SLC36A1: variants seen among roughly 807,000 people sequenced by gnomAD.
SLC36A1 encodes proton-coupled amino acid transporter 1.
SLC36A1 carries 30 observed loss-of-function variants against 47.5 expected under a neutral mutation model. The observed-to-expected ratio is 0.63, with a 90% CI of 0.47 to 0.86. The LOEUF is 0.86. Ranked by LOEUF, SLC36A1 falls within the 40% of genes least tolerant of loss-of-function variation. The pLI, the probability that SLC36A1 is intolerant of heterozygous loss-of-function variation, is 0.00. For missense variants in SLC36A1, 517 were observed against 606.0 expected, an observed-to-expected ratio of 0.85 and a Z score of 1.54; for synonymous variants, 255 against 249.7, an observed-to-expected ratio of 1.02 and a Z score of -0.20.
At chr5:151,362,391 T>C in the SLC36A1 span, among the ~76,000 whole-genome samples, 1 of 40,060 alleles carries the variant, frequency 2.5e-5, no homozygotes, top group Non-Finnish European at 4.2e-5. Flanking sequence ...TGATTCTTCT[T>C]TTTTTTTTTT....
At chr5:151,473,010 A>C (rs1757528350) in intron 7 of SLC36A1, among the ~76,000 whole-genome samples, 1 of 152,166 alleles carries the variant, frequency 6.6e-6, no homozygotes. Flanking sequence ...TCTACCAAAA[A>C]TATACAAAAA....
the SLC36A1 span, among the ~76,000 whole-genome samples, chr5:151,548,732 C>T: frequency 2.6e-5 from 4 of 152,312 alleles, no homozygotes; most frequent in South Asian, 2.1e-4. Flanking sequence ...CCGCCCGCCT[C>T]GGCCTCCCAA....
intron 5 of SLC36A1, among the ~76,000 whole-genome samples, chr5:151,466,841 G>A (rs977572113): frequency 4.6e-5 from 7 of 152,132 alleles, no homozygotes; most frequent in African/African-American, 1.4e-4. Context: ...GGAAGGGGAC[G>A]TCGGAAACCA....
intron 5 of SLC36A1, among the ~76,000 whole-genome samples, chr5:151,466,563 G>A (rs770917208): frequency 2.6e-5 from 4 of 152,212 alleles, no homozygotes; most frequent in African/African-American, 4.8e-5. Flanking sequence ...GTTGTTACCA[G>A]CTGCTATTGT....
chr5:151,351,952 T>C, the SLC36A1 span, among the ~76,000 whole-genome samples: 225 of 152,344 alleles, frequency 1.5e-3, no homozygotes, highest in Middle Eastern at 0.014. Context: ...AGGTCCTGCA[T>C]GATCCAGCTG....
chr5:151,403,834 G>C, the SLC36A1 span, among the ~76,000 whole-genome samples: 1 of 152,274 alleles, frequency 6.6e-6, no homozygotes, highest in South Asian at 2.1e-4. Flanking sequence ...CTTGCTTTAT[G>C]GTCAAGCATG....
chr5:151,470,209 T>G (rs1757122199), intron 7 of SLC36A1, among the ~76,000 whole-genome samples: 1 of 152,178 alleles, frequency 6.6e-6, no homozygotes, highest in African/African-American at 2.4e-5. Context: ...ATTAGAACTC[T>G]CAAGAGCACC....
the SLC36A1 span, chr5:151,527,206 T>G: frequency 6.3e-7 from 1 of 1,578,902 alleles, no homozygotes. Flanking sequence ...GAGGAAGGGC[T>G]CAGGGTGCCT....
chr5:151,352,579 G>GC, the SLC36A1 span, among the ~76,000 whole-genome samples: 1 of 152,174 alleles, frequency 6.6e-6, no homozygotes, highest in Admixed American at 6.5e-5. Flanking sequence ...GTTTCAATGA[G>GC]CCAAAGTAAA....
chr5:151,521,447 C>G, the SLC36A1 span: 1 of 1,614,064 alleles, frequency 6.2e-7, no homozygotes, highest in African/African-American at 1.3e-5. Context: ...CGCATCTGAA[C>G]CCCCACTGAA....
chr5:151,421,553 GT>G, the SLC36A1 span, among the ~76,000 whole-genome samples: 1 of 146,934 alleles, frequency 6.8e-6, no homozygotes, highest in Non-Finnish European at 1.5e-5. Context: ...ATCTTGTAGA[GT>G]TTTTTCTTTT....
At chr5:151,472,847 C>T (rs963839202) in intron 7 of SLC36A1, among the ~76,000 whole-genome samples, 15 of 152,070 alleles carry the variant, frequency 9.9e-5, no homozygotes, top group Non-Finnish European at 1.9e-4. Flanking sequence ...TCATGTTCTA[C>T]TTAGTTATCT....
chr5:151,356,959 A>G, the SLC36A1 span, among the ~76,000 whole-genome samples: 2 of 152,202 alleles, frequency 1.3e-5, no homozygotes, highest in Admixed American at 1.3e-4. Context: ...TATTCACACA[A>G]GCAGGGTGCT....
the SLC36A1 span, chr5:151,553,047 C>A: frequency 1.2e-6 from 1 of 827,230 alleles, no homozygotes. Context: ...AGTCCCCACT[C>A]CGGGCTGAAA....
At chr5:151,423,173 T>C in the SLC36A1 span, among the ~76,000 whole-genome samples, 2 of 152,232 alleles carry the variant, frequency 1.3e-5, no homozygotes, top group Middle Eastern at 3.2e-3. Flanking sequence ...GAACTTTCAT[T>C]TGTTGCTGGT....
At chr5:151,531,579 G>A in the SLC36A1 span, 2 of 1,611,940 alleles carry the variant, frequency 1.2e-6, no homozygotes, top group Middle Eastern at 2.2e-4. This position sits in a 1 kb window ranked among gnomAD's most constrained non-coding sequence, Gnocchi z 5.7. Flanking sequence ...GGTGGATCAG[G>A]CTCTCACCTG....
the SLC36A1 span, among the ~76,000 whole-genome samples, chr5:151,399,084 A>ATATATATATATATTTTTTT: frequency 5.0e-5 from 3 of 60,068 alleles, no homozygotes; most frequent in Non-Finnish European, 1.0e-4. Flanking sequence ...ATATATATAT[A>ATATATATATATATTTTTTT]TTTTTTTTTT....
chr5:151,476,866 C>A, intron 9 of SLC36A1, 110 bp downstream of exon 9: 1 of 1,349,662 alleles, frequency 7.4e-7, no homozygotes, highest in Non-Finnish European at 1.0e-6. Context: ...CCACTTCACT[C>A]TAGCCCACCA....
chr5:151,380,800 G>A, the SLC36A1 span: 1 of 512,518 alleles, frequency 2.0e-6, no homozygotes, highest in African/African-American at 1.9e-5. Context: ...TGGGAAGACA[G>A]GAAATGGTTC....
Sources: gnomAD v4.1 joint callset for allele counts (sites outside exome capture counted in the v4.1 genomes callset) on GRCh38, gnomAD v4.1.1 for gene constraint, Gnocchi (gnomAD v3.1) non-coding constraint, MANE v1.5 for transcripts, NCBI Gene and HGNC (gene_info 2026-07-23, HGNC 2026-07-21) for gene names.